Variants in KARS1 observed in about 807,000 individuals in gnomAD.
The protein encoded by KARS1 is lysine--tRNA ligase.
In KARS1, 50 loss-of-function variants were observed where a neutral mutation model predicts 63.9. That is an observed-to-expected ratio of 0.78 (90% CI 0.62 to 0.99). The LOEUF (loss-of-function observed/expected upper bound fraction) is 0.99, where lower values mean the gene tolerates loss of function less well. KARS1 is among the 50% of genes least tolerant of loss of function. KARS1 has a pLI of 0.00. For synonymous variants in KARS1, 320 were observed against 264.6 expected (o/e 1.21, Z -2.03); for missense variants, 816 against 754.5 (o/e 1.08, Z -0.95).
chr16:75,633,540 C>A (rs1231517092), intron 7 of KARS1, among the ~76,000 whole-genome samples: 9 of 125,516 alleles, frequency 7.2e-5, no homozygotes, highest in African/African-American at 2.2e-4. Flanking sequence ...TTTTTTGAGA[C>A]GAAGTCTCAT....
At chr16:75,643,473 G>A (rs1003496380) in intron 1 of KARS1, among the ~76,000 whole-genome samples, 1 of 151,790 alleles carries the variant, frequency 6.6e-6, no homozygotes, top group African/African-American at 2.4e-5. Context: ...TGCCTCCCGG[G>A]TTCACACCAT....
intron 1 of KARS1, among the ~76,000 whole-genome samples, chr16:75,643,713 C>G (rs920501734): frequency 1.3e-5 from 2 of 152,174 alleles, no homozygotes; most frequent in African/African-American, 4.8e-5. Flanking sequence ...AAAACAGATT[C>G]TGAATGGTTT....
At chr16:75,632,731 T>G (rs1331222503) in intron 7 of KARS1, among the ~76,000 whole-genome samples, 1 of 152,224 alleles carries the variant, frequency 6.6e-6, no homozygotes, top group Non-Finnish European at 1.5e-5. Context: ...TTTCCAAGCC[T>G]GATTCTCTGA....
chr16:75,631,945 T>C (rs1270071627), intron 7 of KARS1, 90 bp from the exon 8 acceptor site: 1 of 1,475,768 alleles, frequency 6.8e-7, no homozygotes, highest in African/African-American at 1.4e-5. Flanking sequence ...TGGAGTGCAA[T>C]GGCAAGATCT....
At chr16:75,636,215 C>T (rs1189178342) in intron 4 of KARS1, 117 bp from the exon 5 acceptor site, 5 of 748,758 alleles carry the variant, frequency 6.7e-6, no homozygotes, top group South Asian at 1.5e-5. Flanking sequence ...CCAAGAAGGA[C>T]GTCAGATTCA....
In KARS1 at chr16:75,631,407, T is replaced by G. The variant is rs751711802; in HGVS notation, c.1252+9A>C. 15 of 1,614,010 alleles carry G rather than the reference T, an allele frequency of 9.3e-6. No homozygotes were observed. The Admixed American group carries it at 2.5e-4, about 27-fold the overall frequency. On this transcript the variant is annotated intron_variant, in intron 9 of 13. Transcript: ENST00000302445. ...CCTTACAACGGAGGAGTGAGTGTTG[T>G]CACTTTACCTTCAGTTTCAAAGAGG...
intron 1 of KARS1, among the ~76,000 whole-genome samples, chr16:75,643,671 G>A (rs2082249366): frequency 6.6e-6 from 1 of 152,152 alleles, no homozygotes; most frequent in South Asian, 2.1e-4. Flanking sequence ...GAGCCACCAC[G>A]CCTGGCCGAA....
chr16:75,647,392 G>T (rs960968590), intron 1 of KARS1, 186 bp downstream of exon 1: 4 of 669,390 alleles, frequency 6.0e-6, no homozygotes, highest in Non-Finnish European at 1.1e-5. Context: ...GGAACGGGGA[G>T]CCGGCGTGCC....
At chr16:75,646,037 T>G (rs978956669) in intron 1 of KARS1, among the ~76,000 whole-genome samples, 1 of 152,202 alleles carries the variant, frequency 6.6e-6, no homozygotes. Context: ...ATCACAGATA[T>G]ACCACATTCA....
chr16:75,637,294 C>T (rs887076546), intron 3 of KARS1, among the ~76,000 whole-genome samples: 33 of 152,070 alleles, frequency 2.2e-4, no homozygotes, highest in Admixed American at 1.0e-3. Flanking sequence ...AGCCATAAGA[C>T]CTCTATACGG....
chr16:75,640,274 G>A lies in KARS1; in HGVS notation c.298C>T (p.His100Tyr), dbSNP rs11557664. ...NGEDPYPHKF[H>Y]VDISLTDFIQ... ...AAGTCAGTGAGTGAGATGTCTACAT[G>A]GAACTTGTGTGGGTATGGGTCTTCC... The change falls in exon 3 of 14, where the codon CAT becomes TAT. Residue 100 changes from histidine (H) to tyrosine (Y), a missense_variant. Transcript: ENST00000302445. The A allele has an allele frequency of 5.6e-6, 9 of 1,613,760 alleles. No homozygotes were observed. In the East Asian group the frequency reaches 1.8e-4, roughly 32 times the overall value.
chr16:75,636,705 C>G (rs2082166234), intron 3 of KARS1, among the ~76,000 whole-genome samples, 158 bp from the exon 4 acceptor site: 1 of 151,622 alleles, frequency 6.6e-6, no homozygotes, highest in African/African-American at 2.4e-5. Context: ...ACGATCTCAG[C>G]TCAATGCAAC....
intron 1 of KARS1, among the ~76,000 whole-genome samples, chr16:75,645,771 C>T (rs550757095): frequency 4.3e-4 from 61 of 143,500 alleles, no homozygotes; most frequent in Middle Eastern, 3.4e-3. Context: ...TGCTTGAACC[C>T]GGGAGTTGCA....
rs988336626 is a variant in KARS1 at position 75,629,420 on chromosome 16, C to A, written c.1546G>T (p.Ala516Ser). The A allele has an allele frequency of 2.9e-5, 47 of 1,613,870 alleles. No homozygotes were observed. The highest frequency in any genetic ancestry group is 3.9e-5 in the Non-Finnish European group (46 of 1,179,886). Residue 516 changes from alanine to serine, a missense_variant, in exon 12 of 14, where the codon GCC becomes TCC. Ala to Ser is a moderately conservative substitution (Grantham distance 99). Transcript: ENST00000302445. ...MRQRQLFEEQ[A>S]KAKAAGDDEA... ...CTCACAGTCCCCTTTCTCACCTTGG[C>A]CTGTTCTTCAAAAAGCTGCCGCTGC... is the stretch of plus-strand genomic sequence containing the variant.
In KARS1 at chr16:75,638,825, T is replaced by C. The variant is rs574160465; in HGVS notation, c.388+1359A>G. ...AGATGATCCAGTATGCAGATAAAAG[T>C]CCCAAAGGAAATGTAAAGCAAGAAA... On this transcript the variant is annotated intron_variant, in intron 3 of 13. Coordinates refer to ENST00000302445, the MANE Select transcript of KARS1 (RefSeq NM_005548.3). Among the ~76,000 whole-genome samples the C allele has an allele frequency of 5.4e-4, 82 of 151,844 alleles. No homozygotes were observed. In the South Asian group the frequency reaches 0.015, roughly 28 times the overall value.
At chr16:75,644,379 G>T (rs764932639) in intron 1 of KARS1, 5 of 1,612,492 alleles carry the variant, frequency 3.1e-6, no homozygotes, top group South Asian at 1.1e-5. Flanking sequence ...TGCCCAGGAG[G>T]TTTTGCGCAG....
At position 75,636,552 on chromosome 16, in the gene KARS1, A is replaced by G; in HGVS notation, c.389-5T>C. 6.3e-7 allele frequency: 1 copy of G among 1,578,180 alleles called. No homozygotes were observed. The highest frequency in any genetic ancestry group is 8.7e-7 in the Non-Finnish European group (1 of 1,147,832). ...CTCTTTTGGCATGGATCCTACCTAG[A>G]AAAAGAAGAGCAAAAATACTGACTG... On this transcript the variant is annotated splice_polypyrimidine_tract_variant and splice_region_variant and intron_variant, in intron 3 of 13. Coordinates refer to ENST00000302445, the MANE Select transcript of KARS1 (RefSeq NM_005548.3).
chr16:75,640,974 G>T (rs376192239), intron 2 of KARS1, among the ~76,000 whole-genome samples: 1 of 152,094 alleles, frequency 6.6e-6, no homozygotes, highest in African/African-American at 2.4e-5. Flanking sequence ...AGCCCGAGGC[G>T]GGTGGATCAC....
chr16:75,628,087 C>A, intron 13 of KARS1, 94 bp from the exon 14 acceptor site: 2 of 806,944 alleles, frequency 2.5e-6, no homozygotes, highest in East Asian at 2.4e-5. Context: ...GTTGTTACCA[C>A]CAAAATCCAG....
Sources: allele counts gnomAD v4.1 joint callset (sites outside exome capture counted in the v4.1 genomes callset), GRCh38; gene constraint gnomAD v4.1.1; transcripts MANE v1.5; gene names NCBI Gene and HGNC (gene_info 2026-07-23, HGNC 2026-07-21).